PPP2R2C: variants seen among roughly 807,000 people sequenced by gnomAD.
PPP2R2C encodes protein phosphatase 2, regulatory subunit B, gamma.
PPP2R2C carries 10 observed loss-of-function variants against 45.3 expected under a neutral mutation model. That is an observed-to-expected ratio of 0.22 (90% CI 0.14 to 0.37). The LOEUF (loss-of-function observed/expected upper bound fraction) is 0.37. Among genes scored for constraint, PPP2R2C ranks in the 10% least tolerant of loss-of-function variants. The pLI, the probability that PPP2R2C is intolerant of heterozygous loss-of-function variation, is 1.00. For missense variants in PPP2R2C, 308 were observed against 619.7 expected, an observed-to-expected ratio of 0.50 and a Z score of 5.34; for synonymous variants, 257 against 245.4, an observed-to-expected ratio of 1.05 and a Z score of -0.44.
intron 5 of PPP2R2C, among the ~76,000 whole-genome samples, chr4:6,371,783 G>A (rs1162575577): frequency 6.6e-6 from 1 of 152,204 alleles, no homozygotes; most frequent in Non-Finnish European, 1.5e-5. Context: ...GCTTGTTGAT[G>A]TTAGTCACAG....
chr4:6,531,334 G>T (rs4689472), intron 2 of PPP2R2C, among the ~76,000 whole-genome samples: 1 of 152,064 alleles, frequency 6.6e-6, no homozygotes, highest in Non-Finnish European at 1.5e-5. Flanking sequence ...AGGAAAGGAC[G>T]TCAGAGCCAA....
intron 2 of PPP2R2C, among the ~76,000 whole-genome samples, chr4:6,533,536 C>T (rs946139704): frequency 2.6e-5 from 4 of 152,262 alleles, no homozygotes; most frequent in South Asian, 2.1e-4. Flanking sequence ...ACCCCATGGC[C>T]GGCACTGGGC....
intron 2 of PPP2R2C, among the ~76,000 whole-genome samples, chr4:6,498,610 C>A (rs1722946384): frequency 6.6e-6 from 1 of 152,096 alleles, no homozygotes; most frequent in Non-Finnish European, 1.5e-5. Flanking sequence ...GGAAAGGGGA[C>A]CATGGGAGGT....
intron 2 of PPP2R2C, among the ~76,000 whole-genome samples, chr4:6,497,381 A>G (rs1560585842): frequency 6.6e-6 from 1 of 152,166 alleles, no homozygotes; most frequent in Non-Finnish European, 1.5e-5. Flanking sequence ...GCATATCAGG[A>G]AATGGCAGAG....
intron 2 of PPP2R2C, among the ~76,000 whole-genome samples, chr4:6,500,648 G>A (rs1272765407): frequency 1.3e-5 from 2 of 152,222 alleles, no homozygotes; most frequent in East Asian, 1.9e-4. Context: ...GGTTGTGTGT[G>A]ACCAGGAAGG....
intron 1 of PPP2R2C, among the ~76,000 whole-genome samples, chr4:6,465,051 C>T (rs1721524665): frequency 6.6e-6 from 1 of 152,162 alleles, no homozygotes; most frequent in African/African-American, 2.4e-5. Flanking sequence ...AATACGTGTA[C>T]TGTGTGACTT....
chr4:6,420,163 C>A (rs1216119299), intron 1 of PPP2R2C, among the ~76,000 whole-genome samples: 1 of 152,148 alleles, frequency 6.6e-6, no homozygotes, highest in African/African-American at 2.4e-5. Flanking sequence ...CACACTCACA[C>A]ACATACAACT....
intron 6 of PPP2R2C, among the ~76,000 whole-genome samples, chr4:6,335,431 A>C (rs750396972): frequency 5.9e-5 from 9 of 152,150 alleles, no homozygotes; most frequent in Non-Finnish European, 1.3e-4. Context: ...GCCCTGAGGC[A>C]GGGACACGCC....
intron 1 of PPP2R2C, among the ~76,000 whole-genome samples, chr4:6,555,034 G>C (rs1056837964): frequency 6.6e-6 from 1 of 152,114 alleles, no homozygotes; most frequent in Non-Finnish European, 1.5e-5. Context: ...CACAATTCTG[G>C]AGGCTGAGAA....
At chr4:6,511,561 GT>G (rs1723499735) in intron 2 of PPP2R2C, among the ~76,000 whole-genome samples, 4 of 61,328 alleles carry the variant, frequency 6.5e-5, no homozygotes, top group African/African-American at 1.2e-4. Flanking sequence ...GGTGGTGGTG[GT>G]GGTGGTGGTG....
At chr4:6,446,554 C>A (rs978998634) in intron 1 of PPP2R2C, among the ~76,000 whole-genome samples, 2 of 152,144 alleles carry the variant, frequency 1.3e-5, no homozygotes, top group Admixed American at 1.3e-4. Context: ...AGATTTCACA[C>A]GGGAAAGCCC....
chr4:6,489,784 G>T (rs1225736133), intron 2 of PPP2R2C, among the ~76,000 whole-genome samples: 3 of 152,158 alleles, frequency 2.0e-5, no homozygotes, highest in Non-Finnish European at 4.4e-5. Flanking sequence ...GATTCACAGA[G>T]AAGCACCTCT....
At chr4:6,495,219 C>T (rs1399505087) in intron 2 of PPP2R2C, among the ~76,000 whole-genome samples, 2 of 152,240 alleles carry the variant, frequency 1.3e-5, no homozygotes, top group African/African-American at 2.4e-5. Flanking sequence ...CTCTGCCACT[C>T]GCATGTCTGC....
At chr4:6,408,107 C>T (rs1472440818) in intron 1 of PPP2R2C, among the ~76,000 whole-genome samples, 2 of 152,160 alleles carry the variant, frequency 1.3e-5, no homozygotes, top group African/African-American at 4.8e-5. Flanking sequence ...GTACAGCTTC[C>T]GTTACATTTC....
chr4:6,378,775 T>C lies in PPP2R2C; in HGVS notation c.169-203A>G, dbSNP rs1360748647. Among the ~76,000 whole-genome samples, 1 of 151,872 alleles carries C rather than the reference T, an allele frequency of 6.6e-6. No homozygotes were observed. Among genetic ancestry groups the C allele is most frequent in the African/African-American group, 2.4e-5 (1 of 41,314 alleles). On this transcript the variant is annotated intron_variant, in intron 2 of 8. Transcript: ENST00000382599. The surrounding 1 kb of genome is among the most constrained non-coding windows in gnomAD (Gnocchi z 5.2). ...AGGGACAAGCCCCGCTCCCGTGCGG[T>C]CCCATGAAACACTCACACCCGAGCC...
upstream of PPP2R2C, among the ~76,000 whole-genome samples, chr4:6,476,516 C>T (rs918807013): frequency 1.3e-5 from 2 of 152,148 alleles, no homozygotes; most frequent in Non-Finnish European, 2.9e-5. Context: ...GTTGGCTATC[C>T]ACAAATCAGG....
chr4:6,372,090 C>T (rs935764002), intron 5 of PPP2R2C, among the ~76,000 whole-genome samples: 3 of 152,226 alleles, frequency 2.0e-5, no homozygotes, highest in African/African-American at 4.8e-5. Context: ...TCACCCGAAG[C>T]CCTGGCCGGG....
At chr4:6,352,720 C>G (rs1018393706) in intron 5 of PPP2R2C, among the ~76,000 whole-genome samples, 2 of 152,302 alleles carry the variant, frequency 1.3e-5, no homozygotes, top group African/African-American at 4.8e-5. Context: ...CAACTGAGCA[C>G]AGACTATTTT....
intron 1 of PPP2R2C, among the ~76,000 whole-genome samples, chr4:6,425,813 CTGTGTG>C (rs147253945): frequency 1.3e-5 from 2 of 148,458 alleles, no homozygotes; most frequent in Non-Finnish European, 3.0e-5. Context: ...CGATGCTTGG[CTGTGTG>C]TGTGTGTGTG....
Sources: allele counts gnomAD v4.1 joint callset (sites outside exome capture counted in the v4.1 genomes callset), GRCh38; gene constraint gnomAD v4.1.1; non-coding constraint Gnocchi (gnomAD v3.1); transcripts MANE v1.5; gene names NCBI Gene and HGNC (gene_info 2026-07-23, HGNC 2026-07-21).